Variants in DGKI observed in about 807,000 individuals in gnomAD.
The protein encoded by DGKI is diacylglycerol kinase iota.
DGKI carries 55 observed loss-of-function variants against 147.5 expected under a neutral mutation model. That is an observed-to-expected ratio of 0.37 (90% confidence interval 0.30 to 0.47). DGKI has a LOEUF of 0.47. Ranked by LOEUF, DGKI falls within the 20% of genes least tolerant of loss-of-function variation. The pLI is 1.00. For missense variants in DGKI, 1,007 were observed against 1,323.8 expected, an observed-to-expected ratio of 0.76 and a Z score of 3.71; for synonymous variants, 469 against 477.1, an observed-to-expected ratio of 0.98 and a Z score of 0.22.
At chr7:137,617,081 C>T (rs1395450992) in intron 8 of DGKI, among the ~76,000 whole-genome samples, 1 of 139,144 alleles carries the variant, frequency 7.2e-6, no homozygotes, top group Non-Finnish European at 1.5e-5. Flanking sequence ...GGCTGATATC[C>T]TCTTCCTGTG....
intron 20 of DGKI, among the ~76,000 whole-genome samples, chr7:137,525,314 A>G (rs1190362673): frequency 6.6e-6 from 1 of 152,048 alleles, no homozygotes; most frequent in Non-Finnish European, 1.5e-5. Context: ...CCACTTTCCC[A>G]CTAGCAGCAG....
intron 1 of DGKI, among the ~76,000 whole-genome samples, chr7:137,820,514 A>G (rs1210230275): frequency 6.6e-6 from 1 of 152,226 alleles, no homozygotes; most frequent in Non-Finnish European, 1.5e-5. Context: ...AGTTTAATGC[A>G]TAAGAGGCTC....
intron 6 of DGKI, among the ~76,000 whole-genome samples, chr7:137,639,914 G>A (rs991213244): frequency 6.6e-5 from 10 of 151,928 alleles, no homozygotes; most frequent in African/African-American, 2.4e-4. Flanking sequence ...TGAGTTTGGA[G>A]ATAAGTATTC....
intron 27 of DGKI, among the ~76,000 whole-genome samples, chr7:137,448,982 G>T (rs574639616): frequency 1.4e-4 from 22 of 152,102 alleles, no homozygotes; most frequent in African/African-American, 4.8e-4. Context: ...ATTGATGAAA[G>T]AAATTGAAAA....
intron 1 of DGKI, among the ~76,000 whole-genome samples, chr7:137,713,921 T>C (rs963122993): frequency 6.6e-6 from 1 of 152,222 alleles, no homozygotes; most frequent in Non-Finnish European, 1.5e-5. Context: ...TTATAAGGCA[T>C]GAGCCACTGT....
intron 1 of DGKI, among the ~76,000 whole-genome samples, chr7:137,699,493 C>G (rs1386324454): frequency 6.6e-6 from 1 of 152,140 alleles, no homozygotes; most frequent in South Asian, 2.1e-4. Context: ...GCAGTGAGGT[C>G]TAATGAATAT....
At chr7:137,812,869 T>C (rs540427537) in intron 1 of DGKI, among the ~76,000 whole-genome samples, 48 of 152,264 alleles carry the variant, frequency 3.2e-4, no homozygotes, top group African/African-American at 1.1e-3. Flanking sequence ...TTTGAGGCAA[T>C]AACAATACAG....
At chr7:137,843,268 T>C in intron 1 of DGKI, 1 of 220,904 alleles carries the variant, frequency 4.5e-6, no homozygotes, top group Non-Finnish European at 7.6e-6. Context: ...TGGGAATTCT[T>C]ACAGCAGTTT....
intron 20 of DGKI, among the ~76,000 whole-genome samples, chr7:137,523,189 C>T (rs1479900073): frequency 1.3e-5 from 2 of 151,420 alleles, no homozygotes; most frequent in Non-Finnish European, 3.0e-5. Context: ...ATTAGGACAC[C>T]CCTCTCTACC....
At chr7:137,660,517 T>C (rs945780676) in intron 3 of DGKI, among the ~76,000 whole-genome samples, 1 of 152,110 alleles carries the variant, frequency 6.6e-6, no homozygotes, top group Non-Finnish European at 1.5e-5. Context: ...GGAGAAAAAC[T>C]GTCACAGCTT....
intron 28 of DGKI, among the ~76,000 whole-genome samples, chr7:137,434,818 G>A (rs545548676): frequency 1.3e-5 from 2 of 152,206 alleles, no homozygotes; most frequent in African/African-American, 2.4e-5. Context: ...AAGCCCAGGG[G>A]GGTTTGTTTT....
At chr7:137,428,332 C>T (rs550073820) in intron 28 of DGKI, among the ~76,000 whole-genome samples, 105 of 152,214 alleles carry the variant, frequency 6.9e-4, no homozygotes, top group African/African-American at 2.4e-3. Context: ...GCAGAAAAGG[C>T]CTTTGACAAA....
At chr7:137,493,881 T>C (rs1327426392) in intron 21 of DGKI, 2 of 648,118 alleles carry the variant, frequency 3.1e-6, no homozygotes, top group Admixed American at 2.5e-5. Context: ...GGAATGAAGA[T>C]CATCGAGATT....
intron 19 of DGKI, among the ~76,000 whole-genome samples, chr7:137,559,837 C>A (rs1818358029): frequency 6.6e-6 from 1 of 152,054 alleles, no homozygotes; most frequent in African/African-American, 2.4e-5. Context: ...GCTATATGGA[C>A]AATCATTCCT....
chr7:137,626,322 G>GACACACACAC (rs111591226), intron 6 of DGKI, among the ~76,000 whole-genome samples: 12 of 139,048 alleles, frequency 8.6e-5, no homozygotes, highest in African/African-American at 2.1e-4. Context: ...AAGTGCTTCT[G>GACACACACAC]ACACACACAC....
chr7:137,576,640 A>T (rs913013375), intron 17 of DGKI, among the ~76,000 whole-genome samples: 5 of 152,178 alleles, frequency 3.3e-5, no homozygotes, highest in African/African-American at 7.2e-5. Context: ...GCAACCTGAT[A>T]TAGAGACCCA....
At chr7:137,528,777 C>CA (rs1251959979) in intron 20 of DGKI, among the ~76,000 whole-genome samples, 3 of 152,162 alleles carry the variant, frequency 2.0e-5, no homozygotes, top group African/African-American at 7.2e-5. Flanking sequence ...GCTTGATCCT[C>CA]ACCAAGCAGT....
Position 137,422,896 on chromosome 7 carries a change from G to A in DGKI, c.2762-10689C>T, listed in dbSNP as rs770832327. On this transcript the variant is annotated intron_variant, in intron 28 of 32. Transcript: ENST00000614521. ...TGGGATTACAGGCGTGAGCCACCGC[G>A]CCCACCCTTGTAAAGCATTTTCATC... Among the ~76,000 whole-genome samples the A allele has an allele frequency of 3.0e-4, 46 of 151,928 alleles. 1 individual carries two copies. Among genetic ancestry groups the A allele is most frequent in the Admixed American group, 5.9e-4 (9 of 15,244 alleles).
chr7:137,589,861 T>G (rs1033245079), intron 12 of DGKI, among the ~76,000 whole-genome samples: 6 of 152,180 alleles, frequency 3.9e-5, no homozygotes, highest in African/African-American at 1.4e-4. Context: ...CTCTCCTTTA[T>G]GATTTGTGCT....
Sources: allele counts gnomAD v4.1 joint callset (sites outside exome capture counted in the v4.1 genomes callset), GRCh38; gene constraint gnomAD v4.1.1; transcripts MANE v1.5; gene names NCBI Gene and HGNC (gene_info 2026-07-23, HGNC 2026-07-21).